The following RELN variants were observed in gnomAD, a reference collection of about 807,000 sequenced individuals.
The protein encoded by RELN is reelin.
In RELN, 108 loss-of-function variants were observed where a neutral mutation model predicts 427.6. The observed-to-expected ratio is 0.25, with a 90% CI of 0.22 to 0.30. RELN has a LOEUF of 0.30. Among genes scored for constraint, RELN ranks in the 10% least tolerant of loss-of-function variants. The pLI is 1.00. For missense variants in RELN, 3,715 were observed against 4,302.8 expected, an observed-to-expected ratio of 0.86 and a Z score of 3.82; for synonymous variants, 1,524 against 1,513.4, an observed-to-expected ratio of 1.01 and a Z score of -0.16.
rs181264323 is a variant in RELN, at chr7:103,938,121, G to C, written c.227-20936C>G. On this transcript the variant is annotated intron_variant, in intron 1 of 64. Coordinates refer to ENST00000428762, the MANE Select transcript of RELN (RefSeq NM_005045.4). ...ACATCACTTGAGGTCAGGAGTTAGA[G>C]ACCAGCCTGGCCAACATGGTAAAAC... 6.5e-3 allele frequency among the ~76,000 whole-genome samples: 993 copies of C among 152,242 alleles called. 13 individuals are homozygous for C. The highest frequency in any genetic ancestry group is 0.023 in the African/African-American group (953 of 41,540).
chr7:103,786,371 G>A (rs183241130), intron 3 of RELN, among the ~76,000 whole-genome samples: 1 of 151,588 alleles, frequency 6.6e-6, no homozygotes, highest in Non-Finnish European at 1.5e-5. Flanking sequence ...ATTATAAATA[G>A]TTGCCATGTC....
chr7:103,723,036 A>G (rs1470778193), intron 8 of RELN, 104 bp downstream of exon 8: 15 of 729,172 alleles, frequency 2.1e-5, no homozygotes, highest in Middle Eastern at 2.5e-4. Context: ...AAGACTTACT[A>G]TTCTGTAAAT....
At chr7:103,483,578 C>G in intron 62 of RELN, 75 bp downstream of exon 62, 1 of 1,513,074 alleles carries the variant, frequency 6.6e-7, no homozygotes, top group Non-Finnish European at 9.2e-7. Flanking sequence ...CAACTTCTAC[C>G]TCAAACTTTG....
intron 3 of RELN, among the ~76,000 whole-genome samples, chr7:103,804,500 G>C (rs1478782889): frequency 6.6e-6 from 1 of 151,774 alleles, no homozygotes; most frequent in African/African-American, 2.4e-5. Context: ...CAGCGACAAT[G>C]CATATATTAG....
chr7:103,876,715 G>T (rs924062862), intron 2 of RELN, among the ~76,000 whole-genome samples: 1 of 151,812 alleles, frequency 6.6e-6, no homozygotes, highest in South Asian at 2.1e-4. Context: ...GATGCTTAAT[G>T]CTAACTTAAA....
At chr7:103,897,531 A>G (rs890703524) in intron 2 of RELN, among the ~76,000 whole-genome samples, 7 of 152,094 alleles carry the variant, frequency 4.6e-5, no homozygotes, top group African/African-American at 1.7e-4. Context: ...AACGTTAGTT[A>G]AACTGATGAA....
chr7:103,666,431 T>C (rs1483451301), intron 11 of RELN, among the ~76,000 whole-genome samples: 1 of 152,172 alleles, frequency 6.6e-6, no homozygotes, highest in Non-Finnish European at 1.5e-5. Context: ...TCTTTCAAAA[T>C]GACTTAGATT....
At chr7:103,846,114 T>C (rs1334561831) in intron 2 of RELN, among the ~76,000 whole-genome samples, 3 of 152,100 alleles carry the variant, frequency 2.0e-5, no homozygotes, top group African/African-American at 4.8e-5. Flanking sequence ...AAAGAGCCCA[T>C]ATAGCCAAGA....
intron 63 of RELN, among the ~76,000 whole-genome samples, chr7:103,480,665 T>G (rs1828201568): frequency 6.6e-6 from 1 of 152,230 alleles, no homozygotes; most frequent in African/African-American, 2.4e-5. Context: ...ATAAATTCCT[T>G]TAACAAATTT....
At chr7:103,756,759 T>TTTG (rs1049287007) in intron 4 of RELN, among the ~76,000 whole-genome samples, 8 of 87,428 alleles carry the variant, frequency 9.2e-5, no homozygotes, top group Non-Finnish European at 1.6e-4. Flanking sequence ...GTTAGGAAGG[T>TTTG]TTAATATATT....
intron 1 of RELN, among the ~76,000 whole-genome samples, chr7:103,958,866 G>T (rs1796490654): frequency 6.6e-6 from 1 of 152,170 alleles, no homozygotes. Flanking sequence ...GAGGTCTGAG[G>T]CTATTTCCTT....
chr7:103,613,162 GAGAAAATGGGGCT>G (rs1831999499), intron 20 of RELN, among the ~76,000 whole-genome samples: 1 of 152,180 alleles, frequency 6.6e-6, no homozygotes, highest in Admixed American at 6.5e-5. Flanking sequence ...TTTAACAGAT[GAGAAAATGGGGCT>G]AGTAAATGGG....
At chr7:103,785,029 A>G (rs938665920) in intron 3 of RELN, among the ~76,000 whole-genome samples, 1 of 152,154 alleles carries the variant, frequency 6.6e-6, no homozygotes, top group Admixed American at 6.6e-5. Flanking sequence ...CAAGACAAAC[A>G]TTGTTATAAG....
rs779128653 is a variant in RELN, at chr7:103,565,233, A to G, written c.5210+45T>C. The stretch of plus-strand genomic sequence containing the variant: ...ATCACAATTATTTTCAAATTAAGTG[A>G]CAGGCACCCAAAGTTCTGACATGTA... On this transcript the variant is annotated intron_variant, in intron 34 of 64. Transcript: ENST00000428762. 7 of 1,600,988 alleles carry G rather than the reference A, an allele frequency of 4.4e-6. No homozygotes were observed. The East Asian group carries it at 1.6e-4, about 36-fold the overall frequency.
chr7:103,558,424 C>T (rs1248724978), intron 36 of RELN, among the ~76,000 whole-genome samples: 2 of 152,146 alleles, frequency 1.3e-5, no homozygotes, highest in Admixed American at 6.6e-5. Flanking sequence ...GCCAAGTGCT[C>T]CCGCTGGAAG....
At chr7:103,612,744 T>A (rs1054796769) in intron 20 of RELN, among the ~76,000 whole-genome samples, 7 of 152,238 alleles carry the variant, frequency 4.6e-5, no homozygotes, top group African/African-American at 1.7e-4. Flanking sequence ...TTAATGGTTG[T>A]GTCTCAAATC....
rs555522451 is a variant in RELN at position 103,542,621 on chromosome 7, A to G, written c.6671+110T>C. 23 of 1,124,130 alleles carry G rather than the reference A, an allele frequency of 2.0e-5. No individual in the cohort carries two copies. The East Asian group carries it at 3.1e-4, about 15-fold the overall frequency. 69.6% of individuals were successfully genotyped at this position (1,124,130 alleles called of 1,614,324 possible). On this transcript the variant is annotated intron_variant, in intron 43 of 64. Transcript: ENST00000428762. The stretch of plus-strand genomic sequence containing the variant: ...TGATAAAGAGAGAAGTTCAGTATTT[A>G]CAATGGAAGGCCTTGTCCTTGAAAT...
intron 8 of RELN, among the ~76,000 whole-genome samples, chr7:103,722,456 G>A (rs941154707): frequency 2.0e-5 from 3 of 152,102 alleles, no homozygotes; most frequent in African/African-American, 7.2e-5. Context: ...CCCATTAAAA[G>A]ACAACATGTT....
At chr7:103,508,459 A>G (rs1829289142) in intron 51 of RELN, among the ~76,000 whole-genome samples, 1 of 152,240 alleles carries the variant, frequency 6.6e-6, no homozygotes, top group Non-Finnish European at 1.5e-5. Context: ...GTAGCCCTTC[A>G]TGTTAAAAAC....
Sources: gnomAD v4.1 joint callset for allele counts (sites outside exome capture counted in the v4.1 genomes callset) on GRCh38, gnomAD v4.1.1 for gene constraint, MANE v1.5 for transcripts, NCBI Gene and HGNC (gene_info 2026-07-23, HGNC 2026-07-21) for gene names.